Variants in TTC17 observed in about 807,000 individuals in gnomAD.
The protein encoded by TTC17 is tetratricopeptide repeat protein 17.
A neutral mutation model predicts 143.8 loss-of-function variants in TTC17; 58 were observed. That is an observed-to-expected ratio of 0.40 (90% CI 0.33 to 0.50). TTC17 has a LOEUF of 0.50. Among genes scored for constraint, TTC17 ranks in the 20% least tolerant of loss-of-function variants. TTC17 has a pLI of 0.49. For synonymous variants in TTC17, 501 were observed against 497.8 expected, an observed-to-expected ratio of 1.01 and a Z score of -0.09; for missense variants, 1,273 against 1,392.5, an observed-to-expected ratio of 0.91 and a Z score of 1.37.
At chr11:43,424,188 G>A (rs1001115389) in intron 16 of TTC17, among the ~76,000 whole-genome samples, 1 of 151,520 alleles carries the variant, frequency 6.6e-6, no homozygotes, top group Non-Finnish European at 1.5e-5. Flanking sequence ...CGCCTCCCTG[G>A]TTCAAGCAAT....
intron 5 of TTC17, among the ~76,000 whole-genome samples, chr11:43,392,925 T>C (rs1202281838): frequency 6.6e-6 from 1 of 152,178 alleles, no homozygotes; most frequent in Non-Finnish European, 1.5e-5. Context: ...ACCTGAATCA[T>C]AAGAAGAAAC....
Position 43,414,640 on chromosome 11 carries a change from C to T in TTC17, c.2115C>T (p.Ile705=), listed in dbSNP as rs1946735619. 3 of 1,613,410 alleles carry T rather than the reference C, an allele frequency of 1.9e-6. No individual in the cohort carries two copies. The Admixed American group carries it at 5.0e-5, about 27-fold the overall frequency. ...LGNAYLALKN[I]SGALEAFRQA... ...ATGCTTACCTTGCTCTGAAGAATATCAGTGGGGCACTTGAGGCCTTTAGAC... is the reference window on the plus strand; with the variant it reads ...ATGCTTACCTTGCTCTGAAGAATATTAGTGGGGCACTTGAGGCCTTTAGAC... The change falls in exon 16 of 24, where the codon ATC becomes ATT. Residue 705 remains isoleucine (I), a synonymous_variant. Coordinates refer to ENST00000039989, the MANE Select transcript of TTC17 (RefSeq NM_018259.6).
chr11:43,459,543 C>T (rs774291766), intron 21 of TTC17, among the ~76,000 whole-genome samples: 13 of 152,148 alleles, frequency 8.5e-5, no homozygotes, highest in Non-Finnish European at 1.6e-4. Flanking sequence ...GAAGCCACAC[C>T]CACAAATTTC....
intron 2 of TTC17, among the ~76,000 whole-genome samples, chr11:43,379,792 C>A (rs537581699): frequency 6.6e-6 from 1 of 152,240 alleles, no homozygotes; most frequent in African/African-American, 2.4e-5. Context: ...ACATTAATCA[C>A]CTTGTTCCTT....
intron 16 of TTC17, chr11:43,435,084 TAGATAGATA>T (rs1590414197): frequency 8.5e-6 from 1 of 117,214 alleles, no homozygotes; most frequent in East Asian, 2.9e-4. Flanking sequence ...AGATGATAGA[TAGATAGATA>T]GATAGATAGA....
chr11:43,476,026 C>T (rs73530667), intron 21 of TTC17, among the ~76,000 whole-genome samples: 13,557 of 152,182 alleles, frequency 0.089, 900 homozygotes, highest in Admixed American at 0.23. Flanking sequence ...ATACAAAGTT[C>T]CTAGCTTTAT....
intron 21 of TTC17, among the ~76,000 whole-genome samples, chr11:43,475,576 C>T (rs1948170116): frequency 6.6e-6 from 1 of 152,196 alleles, no homozygotes; most frequent in African/African-American, 2.4e-5. Flanking sequence ...CCACCCACCT[C>T]CACCTCCAAA....
chr11:43,423,840 T>G (rs1946963153), intron 16 of TTC17, among the ~76,000 whole-genome samples: 1 of 152,140 alleles, frequency 6.6e-6, no homozygotes, highest in Non-Finnish European at 1.5e-5. Context: ...GTTTAACAGT[T>G]TAGAAATCAT....
rs1481609791 is a variant in TTC17, at chr11:43,493,937, A to G, written c.*33A>G. 9.1e-6 allele frequency: 14 copies of G among 1,530,334 alleles called. No homozygotes were observed. Among genetic ancestry groups the G allele is most frequent in the Non-Finnish European group, 1.1e-5 (13 of 1,139,210 alleles). 94.8% of individuals were successfully genotyped at this position (1,530,334 alleles called of 1,614,324 possible). On this transcript the variant is annotated 3_prime_UTR_variant, in exon 24 of 24. Coordinates refer to ENST00000039989, the MANE Select transcript of TTC17 (RefSeq NM_018259.6). ...CTTCCTTCTCTCTTTCTCTTTACTC[A>G]TGCTCTAAAAAAAAAGAATAAGAAA...
chr11:43,372,482 TTTTATTTATTTA>T (rs368350167), intron 1 of TTC17, among the ~76,000 whole-genome samples: 28 of 145,938 alleles, frequency 1.9e-4, no homozygotes, highest in East Asian at 3.9e-4. Context: ...TATTTTTATT[TTTTATTTATTTA>T]TTTATTTATT....
chr11:43,430,782 CT>C (rs1235139754), intron 16 of TTC17, among the ~76,000 whole-genome samples: 1 of 150,002 alleles, frequency 6.7e-6, no homozygotes, highest in Non-Finnish European at 1.5e-5. Flanking sequence ...TTGATAACTT[CT>C]TTTTTTAATT....
chr11:43,388,925 G>A (rs1857272978), intron 2 of TTC17, among the ~76,000 whole-genome samples: 1 of 151,468 alleles, frequency 6.6e-6, no homozygotes, highest in Non-Finnish European at 1.5e-5. Context: ...GCAGTGAGCT[G>A]TGATCGCACT....
chr11:43,491,973 G>T lies in TTC17; in HGVS notation c.3151-47G>T, dbSNP rs377280747. 31 of 1,605,738 alleles carry T rather than the reference G, an allele frequency of 1.9e-5. No homozygotes were observed. The African/African-American group carries it at 3.3e-4, about 17-fold the overall frequency. On this transcript the variant is annotated intron_variant, in intron 22 of 23. Transcript: ENST00000039989. ...ATGATCACCAAAAACAAGAATGAAA[G>T]CTCAAAACCCAATTTTCCCTTCTCA...
At chr11:43,473,997 G>C (rs1284895863) in intron 21 of TTC17, among the ~76,000 whole-genome samples, 1 of 152,018 alleles carries the variant, frequency 6.6e-6, no homozygotes, top group East Asian at 1.9e-4. Flanking sequence ...TCTACTTTTA[G>C]TAACTATTCC....
At chr11:43,392,123 T>C (rs1857413716) in intron 5 of TTC17, among the ~76,000 whole-genome samples, 171 bp downstream of exon 5, 1 of 152,256 alleles carries the variant, frequency 6.6e-6, no homozygotes, top group South Asian at 2.1e-4. Flanking sequence ...GGGAGAAATA[T>C]GGATAGACTA....
chr11:43,397,128 A>C, intron 6 of TTC17: 1 of 517,580 alleles, frequency 1.9e-6, no homozygotes, highest in Non-Finnish European at 3.3e-6. Flanking sequence ...ATAAGCCCTA[A>C]ATAAATTGTA....
intron 21 of TTC17, among the ~76,000 whole-genome samples, chr11:43,472,197 C>G (rs951312842): frequency 6.6e-6 from 1 of 151,960 alleles, no homozygotes; most frequent in East Asian, 1.9e-4. Context: ...CTAAAAAAAG[C>G]AAACAAACCA....
chr11:43,456,482 T>C (rs1947766371), intron 21 of TTC17, among the ~76,000 whole-genome samples: 1 of 152,192 alleles, frequency 6.6e-6, no homozygotes, highest in Non-Finnish European at 1.5e-5. Flanking sequence ...AAAAGTAATA[T>C]TCCAGTTAGG....
At chr11:43,473,896 A>AAAAG (rs532339277) in intron 21 of TTC17, among the ~76,000 whole-genome samples, 2 of 151,634 alleles carry the variant, frequency 1.3e-5, no homozygotes, top group Admixed American at 6.6e-5. Flanking sequence ...AAAAAAAAAA[A>AAAAG]AAAGAAAGAA....
Sources: gnomAD v4.1 joint callset for allele counts (sites outside exome capture counted in the v4.1 genomes callset) on GRCh38, gnomAD v4.1.1 for gene constraint, MANE v1.5 for transcripts, NCBI Gene and HGNC (gene_info 2026-07-23, HGNC 2026-07-21) for gene names.